Variants in EFCAB5 observed in about 807,000 individuals in gnomAD.
The protein encoded by EFCAB5 is EF-hand calcium binding domain 5, also known as EF-hand calcium-binding domain-containing protein 5.
A neutral mutation model predicts 167.9 loss-of-function variants in EFCAB5; 131 were observed. That is an observed-to-expected ratio of 0.78 (90% CI 0.68 to 0.90). EFCAB5 has a LOEUF of 0.90. Among genes scored for constraint, EFCAB5 ranks in the 40% least tolerant of loss-of-function variants. EFCAB5 has a pLI of 0.00. For synonymous variants in EFCAB5, 574 were observed against 602.8 expected (o/e 0.95, Z 0.70); for missense variants, 1,663 against 1,745.2 (o/e 0.95, Z 0.84).
chr17:30,045,074 A>T (rs1036827605), intron 8 of EFCAB5, among the ~76,000 whole-genome samples: 2 of 152,214 alleles, frequency 1.3e-5, no homozygotes, highest in Admixed American at 1.3e-4. Context: ...TTTTATTTAT[A>T]TGAAATTATA....
At chr17:30,092,443 G>A (rs1262531811) in intron 21 of EFCAB5, among the ~76,000 whole-genome samples, 2 of 152,020 alleles carry the variant, frequency 1.3e-5, no homozygotes, top group African/African-American at 4.8e-5. Flanking sequence ...GCTGGAGTGC[G>A]ATGGCGCTAT....
chr17:29,932,101 A>G (rs568701715), intron 1 of EFCAB5, among the ~76,000 whole-genome samples: 6 of 152,278 alleles, frequency 3.9e-5, no homozygotes, highest in Admixed American at 2.0e-4. Flanking sequence ...AATGTATGGT[A>G]AAGTTCAGAA....
chr17:30,080,345 C>G (rs1205706436), intron 16 of EFCAB5, 104 bp downstream of exon 16: 4 of 1,232,330 alleles, frequency 3.2e-6, no homozygotes, highest in Non-Finnish European at 4.4e-6. Context: ...AAGAGAGGTG[C>G]CTCAAGTCAC....
upstream of EFCAB5, among the ~76,000 whole-genome samples, chr17:29,937,600 G>A (rs2067256477): frequency 6.6e-6 from 1 of 152,180 alleles, no homozygotes; most frequent in Admixed American, 6.5e-5. Flanking sequence ...TTTGAAGGGA[G>A]TTTGAGGGGA....
At chr17:30,087,227 C>A in intron 19 of EFCAB5, 61 bp downstream of exon 19, 2 of 1,375,532 alleles carry the variant, frequency 1.5e-6, no homozygotes, top group Non-Finnish European at 2.1e-6. Flanking sequence ...CAATAGTAGA[C>A]CTGAAAGACA....
chr17:30,096,042 G>A (rs1163761663), intron 22 of EFCAB5, among the ~76,000 whole-genome samples: 2 of 152,212 alleles, frequency 1.3e-5, no homozygotes, highest in African/African-American at 2.4e-5. Context: ...GTCCTGGCAA[G>A]AGCCCCTTAA....
chr17:30,052,848 G>T (rs1180189039), intron 9 of EFCAB5, among the ~76,000 whole-genome samples: 3 of 152,206 alleles, frequency 2.0e-5, no homozygotes, highest in African/African-American at 7.2e-5. Context: ...CATGGATAAA[G>T]ACTTGCTTTT....
At chr17:30,107,398 G>A (rs1006664046) in intron 22 of EFCAB5, among the ~76,000 whole-genome samples, 1 of 151,956 alleles carries the variant, frequency 6.6e-6, no homozygotes, top group Admixed American at 6.6e-5. Context: ...ATCTTTCCTC[G>A]ATCCCACTGT....
chr17:30,084,638 C>G (rs552251852), intron 18 of EFCAB5, among the ~76,000 whole-genome samples: 45 of 152,314 alleles, frequency 3.0e-4, no homozygotes, highest in African/African-American at 1.1e-3. Flanking sequence ...AAGCTCTTTT[C>G]AAGCACTCAA....
At chr17:29,998,318 A>G (rs772125396) in intron 6 of EFCAB5, among the ~76,000 whole-genome samples, 17 of 152,216 alleles carry the variant, frequency 1.1e-4, no homozygotes, top group African/African-American at 1.9e-4. Context: ...TGGGATCCTG[A>G]TAAAATTACA....
At chr17:30,068,185 C>A (rs902654399) in intron 14 of EFCAB5, among the ~76,000 whole-genome samples, 1 of 151,974 alleles carries the variant, frequency 6.6e-6, no homozygotes, top group Non-Finnish European at 1.5e-5. Context: ...GCTTGTAGCC[C>A]CAGCTACTCG....
intron 4 of EFCAB5, among the ~76,000 whole-genome samples, chr17:29,978,872 G>T (rs998041899): frequency 3.9e-5 from 6 of 152,156 alleles, no homozygotes; most frequent in African/African-American, 1.4e-4. Context: ...GACCTTATAT[G>T]CAATTGCTTT....
intron 7 of EFCAB5, among the ~76,000 whole-genome samples, chr17:30,008,111 G>T (rs1360727740): frequency 2.6e-5 from 4 of 151,760 alleles, no homozygotes; most frequent in Admixed American, 1.3e-4. Context: ...AAAAATAAAA[G>T]CTGTACTATA....
At chr17:30,099,316 G>A (rs1050986336) in intron 22 of EFCAB5, among the ~76,000 whole-genome samples, 1 of 152,108 alleles carries the variant, frequency 6.6e-6, no homozygotes, top group Non-Finnish European at 1.5e-5. Context: ...AGGTCTGGTG[G>A]CATATGCCTG....
At position 30,068,065 on chromosome 17, in the gene EFCAB5, G is replaced by A. The variant is rs147380323; in HGVS notation, c.2737+8364G>A. On this transcript the variant is annotated intron_variant, in intron 14 of 22. Transcript: ENST00000394835. The stretch of plus-strand genomic sequence containing the variant: ...TCACGCCTGTAATCCCAGGACTTTG[G>A]GAGGCGGAGGCGGGTGGATCACCAG... Among the ~76,000 whole-genome samples the A allele has an allele frequency of 4.9e-3, 746 of 152,344 alleles. 4 individuals carry two copies. Among genetic ancestry groups the A allele is most frequent in the Middle Eastern group, 0.02 (6 of 294 alleles).
At position 30,055,960 on chromosome 17, in the gene EFCAB5, G is replaced by A; in HGVS notation, c.2267G>A (p.Trp756Ter). The A allele has an allele frequency of 6.2e-7, 1 of 1,613,632 alleles. No homozygotes were observed. Among genetic ancestry groups the A allele is most frequent in the Non-Finnish European group, 8.5e-7 (1 of 1,179,750 alleles). Residue 756 changes from tryptophan (W) to a stop codon, truncating the protein, a stop_gained, in exon 11 of 23, where the codon TGG becomes TAG. Transcript: ENST00000394835. LOFTEE classifies it high-confidence loss of function. ...TCCCAAAAAATAGAAGGAAAGTCAT[G>A]GTCAGGTAACTCCTCATTTAATCCT... is the stretch of plus-strand genomic sequence containing the variant. Reference protein sequence around the residue: ...PKSQKIEGKSWSGEFFTCNWK... With the variant: ...PKSQKIEGKS
chr17:30,020,615 T>TA (rs2069155784), intron 7 of EFCAB5, among the ~76,000 whole-genome samples: 1 of 152,026 alleles, frequency 6.6e-6, no homozygotes, highest in African/African-American at 2.4e-5. Context: ...TCGGCCTCCC[T>TA]AAGTGATGGG....
intron 4 of EFCAB5, among the ~76,000 whole-genome samples, chr17:29,983,672 T>C (rs2068222858): frequency 6.6e-6 from 1 of 152,230 alleles, no homozygotes; most frequent in Admixed American, 6.5e-5. Flanking sequence ...TAGAATTCTC[T>C]GGATTAATGT....
Position 29,984,706 on chromosome 17 carries a change from G to A in EFCAB5, c.768-8459G>A, listed in dbSNP as rs540694830. ...GCACTCCAGCCTGGGCAACAAGAGC[G>A]AAACTCCATCTCAAAACAATAAATA... On this transcript the variant is annotated intron_variant, in intron 4 of 22. Coordinates refer to ENST00000394835, the MANE Select transcript of EFCAB5 (RefSeq NM_198529.4). Among the ~76,000 whole-genome samples the A allele has an allele frequency of 8.0e-4, 121 of 152,138 alleles. 1 individual carries two copies. The highest frequency in any genetic ancestry group is 4.7e-3 in the Admixed American group (72 of 15,278).
Sources: allele counts gnomAD v4.1 joint callset (sites outside exome capture counted in the v4.1 genomes callset), GRCh38; gene constraint gnomAD v4.1.1; transcripts MANE v1.5; gene names NCBI Gene and HGNC (gene_info 2026-07-23, HGNC 2026-07-21).